The following NPAS3 variants were observed in gnomAD, a reference collection of about 807,000 sequenced individuals.
The protein encoded by NPAS3 is neuronal PAS domain protein 3.
In NPAS3, 14 loss-of-function variants were observed where a neutral mutation model predicts 73.1. That is an observed-to-expected ratio of 0.19 (90% CI 0.13 to 0.30). The LOEUF (loss-of-function observed/expected upper bound fraction) is 0.30. Among genes scored for constraint, NPAS3 ranks in the 10% least tolerant of loss-of-function variants. The probability of loss-of-function intolerance (pLI) is 1.00; values close to 1 mark genes in which losing one functional copy is unlikely to be tolerated. For missense variants in NPAS3, 1,096 were observed against 1,250.0 expected (o/e 0.88, Z 1.86); for synonymous variants, 620 against 541.5 (o/e 1.14, Z -2.01).
chr14:33,607,433 A>G (rs547213450), intron 5 of NPAS3, among the ~76,000 whole-genome samples: 3 of 152,152 alleles, frequency 2.0e-5, no homozygotes, highest in Admixed American at 2.0e-4. Context: ...GTGATTCCAT[A>G]TATATAAAAT....
chr14:33,008,886 G>A (rs1451106635), intron 1 of NPAS3, among the ~76,000 whole-genome samples: 1 of 152,164 alleles, frequency 6.6e-6, no homozygotes, highest in Non-Finnish European at 1.5e-5. Context: ...TCTGGCCTTA[G>A]GAATTTATAC....
At chr14:33,651,546 TA>T (rs545805648) in intron 5 of NPAS3, among the ~76,000 whole-genome samples, 1 of 152,156 alleles carries the variant, frequency 6.6e-6, no homozygotes, top group East Asian at 1.9e-4. Flanking sequence ...AATTATATAT[TA>T]AAAAAACCCA....
intron 5 of NPAS3, among the ~76,000 whole-genome samples, chr14:33,568,324 G>A (rs139208341): frequency 1.3e-5 from 2 of 152,206 alleles, no homozygotes; most frequent in East Asian, 3.9e-4. Flanking sequence ...GCAGGCGTTG[G>A]CAATATAATG....
intron 7 of NPAS3, among the ~76,000 whole-genome samples, chr14:33,737,963 G>C (rs1401337522): frequency 2.0e-5 from 3 of 152,088 alleles, no homozygotes; most frequent in Admixed American, 6.6e-5. Context: ...CTATATTTCT[G>C]TCCGTTTTTC....
chr14:33,271,070 C>T (rs8011010), intron 3 of NPAS3, among the ~76,000 whole-genome samples: 36,703 of 151,890 alleles, frequency 0.24, 4,732 homozygotes, highest in Middle Eastern at 0.31. Flanking sequence ...ACAGAGAAAC[C>T]GTCTGTTTGT....
intron 6 of NPAS3, among the ~76,000 whole-genome samples, chr14:33,681,501 G>GTTAA (rs2140360809): frequency 6.6e-6 from 1 of 152,304 alleles, no homozygotes; most frequent in East Asian, 1.9e-4. Flanking sequence ...TGAGGGAGCT[G>GTTAA]TTAATAATGT....
At chr14:33,323,248 C>T (rs2043540387) in intron 3 of NPAS3, among the ~76,000 whole-genome samples, 2 of 152,174 alleles carry the variant, frequency 1.3e-5, no homozygotes, top group Non-Finnish European at 2.9e-5. Context: ...ATTTACACCC[C>T]TCACACCTCT....
chr14:33,373,384 A>ATGTG (rs1322867449), intron 4 of NPAS3, among the ~76,000 whole-genome samples: 1 of 109,066 alleles, frequency 9.2e-6, no homozygotes, highest in South Asian at 3.8e-4. Flanking sequence ...ATATTGAACT[A>ATGTG]TATGTGTGTG....
intron 5 of NPAS3, among the ~76,000 whole-genome samples, chr14:33,616,689 A>G (rs111424380): frequency 6.6e-6 from 1 of 152,188 alleles, no homozygotes; most frequent in Non-Finnish European, 1.5e-5. Context: ...TTAAAACCGC[A>G]ACATTTTTGT....
intron 1 of NPAS3, among the ~76,000 whole-genome samples, chr14:33,007,663 C>A (rs190849062): frequency 3.3e-5 from 5 of 152,302 alleles, no homozygotes; most frequent in Admixed American, 1.3e-4. Flanking sequence ...GACCCTTTAA[C>A]TTATACTTTG....
intron 2 of NPAS3, among the ~76,000 whole-genome samples, chr14:33,105,380 A>G (rs904339709): frequency 9.9e-5 from 15 of 152,268 alleles, no homozygotes; most frequent in African/African-American, 3.4e-4. Flanking sequence ...AGCAAGAACT[A>G]CTATGATGGT....
At chr14:33,285,118 T>C (rs1297469801) in intron 3 of NPAS3, among the ~76,000 whole-genome samples, 3 of 152,154 alleles carry the variant, frequency 2.0e-5, no homozygotes, top group Non-Finnish European at 4.4e-5. Context: ...AATGAGAACA[T>C]ACTTTAAATA....
intron 4 of NPAS3, among the ~76,000 whole-genome samples, chr14:33,469,299 A>T (rs79109692): frequency 1.6e-5 from 1 of 63,280 alleles, no homozygotes; most frequent in Non-Finnish European, 2.6e-5. Context: ...AGTTTTCTTT[A>T]AAAAAAAAAA....
chr14:33,275,318 A>C (rs965187353), intron 3 of NPAS3, among the ~76,000 whole-genome samples: 1 of 152,216 alleles, frequency 6.6e-6, no homozygotes, highest in Non-Finnish European at 1.5e-5. Context: ...GTGCTAAAAG[A>C]GCAAGAAAAT....
At chr14:32,940,160 C>G (rs982937531) in intron 1 of NPAS3, among the ~76,000 whole-genome samples, 2 of 152,240 alleles carry the variant, frequency 1.3e-5, no homozygotes, top group African/African-American at 2.4e-5. Flanking sequence ...ATCTATGCCC[C>G]GTTAGTTACT....
rs550492643 is a variant in NPAS3, at chr14:33,732,067, A to G, written c.734-3147A>G. On this transcript the variant is annotated intron_variant, in intron 6 of 11. Transcript: ENST00000356141. ...GCAACAATTATGAGCTGCCTCAAAA[A>G]GTTGACAGAAAAGCATTTCATGTCT... is the stretch of plus-strand genomic sequence containing the variant. Among the ~76,000 whole-genome samples, 9 of 152,344 alleles carry G rather than the reference A, an allele frequency of 5.9e-5. No individual in the cohort carries two copies. The South Asian group carries it at 1.7e-3, about 28-fold the overall frequency.
intron 3 of NPAS3, among the ~76,000 whole-genome samples, chr14:33,347,768 C>T (rs1466607288): frequency 2.0e-5 from 3 of 152,188 alleles, no homozygotes; most frequent in African/African-American, 7.2e-5. Context: ...TTACTTATAA[C>T]ACCCAATACA....
At chr14:33,611,088 T>G (rs1288917912) in intron 5 of NPAS3, 1 of 152,238 alleles carries the variant, frequency 6.6e-6, no homozygotes, top group Admixed American at 6.5e-5. Context: ...CTGGACTCTT[T>G]CCTTCCTACA....
At chr14:33,328,531 A>C (rs60536496) in intron 3 of NPAS3, among the ~76,000 whole-genome samples, 27,540 of 126,698 alleles carry the variant, frequency 0.22, 2,948 homozygotes, top group African/African-American at 0.3. Flanking sequence ...CAGTGGCGCG[A>C]TCTTGGCTCA....
Sources: gnomAD v4.1 joint callset for allele counts (sites outside exome capture counted in the v4.1 genomes callset) on GRCh38, gnomAD v4.1.1 for gene constraint, MANE v1.5 for transcripts, NCBI Gene and HGNC (gene_info 2026-07-23, HGNC 2026-07-21) for gene names.